Variants in MCTP2 observed in about 807,000 individuals in gnomAD.
MCTP2 encodes multiple C2 and transmembrane domain containing 2.
MCTP2 carries 132 observed loss-of-function variants against 111.6 expected under a neutral mutation model. That is an observed-to-expected ratio of 1.18 (90% CI 1.03 to 1.37). MCTP2 has a LOEUF of 1.37. Ranked by LOEUF, MCTP2 falls within the 40% of genes most tolerant of loss-of-function variation. MCTP2 has a pLI of 0.00. For missense variants in MCTP2, 1,183 were observed against 1,067.9 expected (o/e 1.11, Z -1.50); for synonymous variants, 395 against 387.7 (o/e 1.02, Z -0.22).
In MCTP2 at chr15:94,399,965, T is replaced by A; in HGVS notation, c.1935T>A (p.Phe645Leu). 3 of 1,614,042 alleles carry A rather than the reference T, an allele frequency of 1.9e-6. No individual in the cohort carries two copies. The highest frequency in any genetic ancestry group is 2.5e-6 in the Non-Finnish European group (3 of 1,179,912). ...IRTFTPREKR[F>L]VEDSRKLSKK... ...CTTTTACTCCCCGGGAAAAGCGCTT[T>A]GTTGAAGACAGCCGCAAGCTGTCCA... The change falls in exon 16 of 23, where the codon TTT becomes TTA. Residue 645 changes from phenylalanine to leucine, a missense_variant. Physicochemically the swap from Phe to Leu is conservative, Grantham distance 22. Transcript: ENST00000357742.
rs376555860 is a variant in MCTP2 at position 94,244,072 on chromosome 15, ATATT to A, written c.-66+12412_-66+12415del. On this transcript the variant is annotated intron_variant, in intron 1 of 22. Coordinates refer to ENST00000357742, the MANE Select transcript of MCTP2 (RefSeq NM_001385001.1). The stretch of plus-strand genomic sequence containing the variant: ...TATGTATACACATACATATGTGTAT[ATATT>A]TATGCACACATATGTATACACATAC... 5.5e-3 allele frequency among the ~76,000 whole-genome samples: 811 copies of A among 146,534 alleles called. 6 individuals carry two copies. The highest frequency in any genetic ancestry group is 0.016 in the African/African-American group (647 of 39,872).
intron 1 of MCTP2, among the ~76,000 whole-genome samples, chr15:94,257,920 C>T (rs2072929880): frequency 6.6e-6 from 1 of 151,480 alleles, no homozygotes; most frequent in Non-Finnish European, 1.5e-5. Flanking sequence ...TGCTCTGCCG[C>T]CCAGGCTGGG....
chr15:94,429,948 C>A (rs954655445), intron 17 of MCTP2, among the ~76,000 whole-genome samples: 3 of 152,148 alleles, frequency 2.0e-5, no homozygotes, highest in Admixed American at 1.3e-4. Context: ...AAATCATTCT[C>A]AATCATTCCC....
At chr15:94,378,543 A>C (rs2152448038) in intron 12 of MCTP2, among the ~76,000 whole-genome samples, 1 of 152,330 alleles carries the variant, frequency 6.6e-6, no homozygotes, top group African/African-American at 2.4e-5. Flanking sequence ...AAAAAATACA[A>C]ATAAAAAGGA....
At chr15:94,355,847 G>A (rs1020105098) in intron 8 of MCTP2, 56 of 870,326 alleles carry the variant, frequency 6.4e-5, no homozygotes, top group East Asian at 1.0e-4. Flanking sequence ...TAAAGGCCCA[G>A]TTGAAGGAGT....
intron 5 of MCTP2, 78 bp downstream of exon 5, chr15:94,339,510 A>T: frequency 9.7e-7 from 1 of 1,026,874 alleles, no homozygotes; most frequent in Admixed American, 2.8e-5. Flanking sequence ...CTTAGACGTG[A>T]ACTTGCCAAA....
In MCTP2 at chr15:94,315,657, T is replaced by TG; in HGVS notation, c.637+22dup. 1 of 1,574,900 alleles carries TG rather than the reference T, an allele frequency of 6.3e-7. No individual in the cohort carries two copies. Among genetic ancestry groups the TG allele is most frequent in the Non-Finnish European group, 8.7e-7 (1 of 1,144,662 alleles). On this transcript the variant is annotated intron_variant, in intron 4 of 22. Transcript: ENST00000357742. ...GCTGTGGTAAGACCTGGGTCTGTTATGGTGGGTGTAGCCTGGAAACTTCTT... is the reference window on the plus strand; with the variant it reads ...GCTGTGGTAAGACCTGGGTCTGTTATGGGTGGGTGTAGCCTGGAAACTTCTT...
chr15:94,456,170 G>T (rs927869458), intron 19 of MCTP2, among the ~76,000 whole-genome samples: 1 of 152,126 alleles, frequency 6.6e-6, no homozygotes, highest in Non-Finnish European at 1.5e-5. Context: ...TGTTACTCAA[G>T]ATATAGTAAG....
Position 94,401,900 on chromosome 15 carries a change from A to T in MCTP2, c.1966A>T (p.Ile656Phe). 1.2e-6 allele frequency: 2 copies of T among 1,604,266 alleles called. No homozygotes were observed. Among genetic ancestry groups the T allele is most frequent in the Non-Finnish European group, 1.7e-6 (2 of 1,175,492 alleles). Residue 656 changes from isoleucine (I) to phenylalanine (F), a missense_variant and splice_region_variant, in exon 17 of 23, where the codon ATC (isoleucine) becomes TTC (phenylalanine). Coordinates refer to ENST00000357742, the MANE Select transcript of MCTP2 (RefSeq NM_001385001.1). ...VEDSRKLSKK[I>F]LSRDVDRVKR... ...CCTGTTTGTCATTTTTTAAAATCAG[A>T]TCTTATCAAGAGATGTGGACCGTGT... is the stretch of plus-strand genomic sequence containing the variant.
intron 1 of MCTP2, among the ~76,000 whole-genome samples, chr15:94,290,608 T>C (rs2074988735): frequency 6.6e-6 from 1 of 152,174 alleles, no homozygotes; most frequent in Admixed American, 6.5e-5. Flanking sequence ...AAGCTAGAGA[T>C]TGTCAGACTG....
At chr15:94,443,983 A>G (rs1301861346) in intron 19 of MCTP2, among the ~76,000 whole-genome samples, 35 of 117,518 alleles carry the variant, frequency 3.0e-4, no homozygotes, top group African/African-American at 1.1e-3. Context: ...TATTTTACCA[A>G]AAAAAAAAAA....
intron 12 of MCTP2, among the ~76,000 whole-genome samples, chr15:94,371,750 G>A (rs1005384318): frequency 3.2e-4 from 48 of 152,046 alleles, no homozygotes; most frequent in Non-Finnish European, 2.9e-5. Flanking sequence ...GTACAATGGC[G>A]CCATCTTGGC....
intron 20 of MCTP2, among the ~76,000 whole-genome samples, chr15:94,469,382 A>C (rs778021587): frequency 5.8e-4 from 88 of 152,358 alleles, no homozygotes; most frequent in Non-Finnish European, 7.9e-4. Context: ...TAGATACAAC[A>C]AAAGGAGCCA....
At position 94,282,184 on chromosome 15, in the gene MCTP2, G is replaced by A. The variant is rs147293111; in HGVS notation, c.-65-16017G>A. Among the ~76,000 whole-genome samples the A allele has an allele frequency of 6.8e-3, 1,031 of 152,280 alleles. 16 individuals carry two copies. The highest frequency in any genetic ancestry group is 0.023 in the African/African-American group (968 of 41,570). On this transcript the variant is annotated intron_variant, in intron 1 of 22. Coordinates refer to ENST00000357742, the MANE Select transcript of MCTP2 (RefSeq NM_001385001.1). ...CTCTGTGTCTTTCAGGAATGCCAGTGAGTGATAGGTGTAGTCTTCTACATA... is the reference window on the plus strand; with the variant it reads ...CTCTGTGTCTTTCAGGAATGCCAGTAAGTGATAGGTGTAGTCTTCTACATA...
At chr15:94,265,922 G>A (rs757276524) in intron 1 of MCTP2, among the ~76,000 whole-genome samples, 11 of 152,162 alleles carry the variant, frequency 7.2e-5, no homozygotes, top group Non-Finnish European at 1.5e-4. Flanking sequence ...CTCACGCTGG[G>A]AGTGTAATTA....
chr15:94,275,587 C>G (rs2074147493), intron 1 of MCTP2, among the ~76,000 whole-genome samples: 1 of 151,884 alleles, frequency 6.6e-6, no homozygotes, highest in African/African-American at 2.4e-5. Context: ...TCTATTTGTG[C>G]ATCTGTAGAC....
At chr15:94,475,974 A>G (rs1286809175) in intron 21 of MCTP2, among the ~76,000 whole-genome samples, 1 of 152,162 alleles carries the variant, frequency 6.6e-6, no homozygotes, top group African/African-American at 2.4e-5. Flanking sequence ...GCCCAGACAG[A>G]CCCACGCACC....
At chr15:94,466,153 CTTACATGA>C (rs2073267934) in intron 20 of MCTP2, among the ~76,000 whole-genome samples, 1 of 152,054 alleles carries the variant, frequency 6.6e-6, no homozygotes, top group Non-Finnish European at 1.5e-5. Flanking sequence ...TCAAGCATCT[CTTACATGA>C]TTTTTAACAT....
chr15:94,327,030 T>C (rs1385436452), intron 4 of MCTP2, among the ~76,000 whole-genome samples: 2 of 152,170 alleles, frequency 1.3e-5, no homozygotes, highest in Non-Finnish European at 2.9e-5. Context: ...TCATTCTGTC[T>C]CCTGGGCATG....
Sources: gnomAD v4.1 joint callset for allele counts (sites outside exome capture counted in the v4.1 genomes callset) on GRCh38, gnomAD v4.1.1 for gene constraint, MANE v1.5 for transcripts, NCBI Gene and HGNC (gene_info 2026-07-23, HGNC 2026-07-21) for gene names.